Variants in DDX60L observed in about 807,000 individuals in gnomAD.
The protein encoded by DDX60L is probable ATP-dependent RNA helicase DDX60-like.
In DDX60L, 191 loss-of-function variants were observed where a neutral mutation model predicts 211.6. That is an observed-to-expected ratio of 0.90 (90% CI 0.80 to 1.02). DDX60L has a LOEUF of 1.02. DDX60L is among the 50% of genes least tolerant of loss of function. The pLI is 0.00. For missense variants in DDX60L, 2,007 were observed against 1,984.1 expected, an observed-to-expected ratio of 1.01 and a Z score of -0.22; for synonymous variants, 706 against 694.1, an observed-to-expected ratio of 1.02 and a Z score of -0.27.
intron 1 of DDX60L, among the ~76,000 whole-genome samples, chr4:168,477,231 T>C (rs180995521): frequency 0.011 from 1,627 of 152,136 alleles, 29 homozygotes; most frequent in African/African-American, 0.031. Flanking sequence ...CTGGCTAACA[T>C]GGTGAAACCC....
Position 168,461,851 on chromosome 4 carries a change from C to G in DDX60L, c.454G>C (p.Asp152His), listed in dbSNP as rs565138997. Residue 152 changes from aspartate (D) to histidine (H), a missense_variant, in exon 5 of 38, where the codon GAT becomes CAT. By Grantham distance (81) the Asp-to-His change is moderately conservative. Transcript: ENST00000682922. ...FLIVSEEGLS[D>H]LQTYLFNFLI... ...AAGTTAAAAAGGTACGTTTGTAAAT[C>G]ACTCAGGCCTTCCTCTGAAACTATC... 10 of 1,609,840 alleles carry G rather than the reference C, an allele frequency of 6.2e-6. No individual in the cohort carries two copies. The South Asian group carries it at 1.1e-4, about 18-fold the overall frequency.
chr4:168,411,745 C>A (rs1748709710), intron 22 of DDX60L, among the ~76,000 whole-genome samples: 1 of 152,120 alleles, frequency 6.6e-6, no homozygotes, highest in Non-Finnish European at 1.5e-5. Context: ...ATGCAATCTA[C>A]TGAGACACCA....
intron 22 of DDX60L, among the ~76,000 whole-genome samples, chr4:168,411,113 T>G (rs1440446767): frequency 4.6e-5 from 7 of 152,222 alleles, no homozygotes; most frequent in Admixed American, 1.3e-4. Context: ...CACTTTTCTA[T>G]GAAGTCCATC....
chr4:168,479,595 C>T (rs1760109580), intron 1 of DDX60L, among the ~76,000 whole-genome samples: 1 of 152,086 alleles, frequency 6.6e-6, no homozygotes, highest in African/African-American at 2.4e-5. Context: ...ATCAATGTAA[C>T]TTTGTAAACA....
intron 36 of DDX60L, among the ~76,000 whole-genome samples, chr4:168,365,188 G>A (rs951991800): frequency 2.6e-5 from 4 of 151,902 alleles, no homozygotes; most frequent in Admixed American, 6.6e-5. Flanking sequence ...AGAAGCAGAC[G>A]TAAACAAAAT....
intron 13 of DDX60L, among the ~76,000 whole-genome samples, chr4:168,428,085 C>A (rs1438815011): frequency 6.6e-6 from 1 of 152,188 alleles, no homozygotes; most frequent in Non-Finnish European, 1.5e-5. Flanking sequence ...GAGGCCCTTG[C>A]ACAAAGGCTG....
At position 168,453,265 on chromosome 4, in the gene DDX60L, T is replaced by C. The variant is rs945541194; in HGVS notation, c.855A>G (p.Leu285=). Residue 285 remains leucine, a synonymous_variant, in exon 8 of 38, where the codon CTA becomes CTG. Transcript: ENST00000682922. ...YHRVLVHSNC[L]SLQEVEDFCR... ...AGAAATCTTCCACCTCCTGCAGGGATAGGCAATTACTGTGCACCTGCGTAC... is the reference window on the plus strand; with the variant it reads ...AGAAATCTTCCACCTCCTGCAGGGACAGGCAATTACTGTGCACCTGCGTAC... The C allele has an allele frequency of 6.2e-6, 10 of 1,611,912 alleles. No homozygotes were observed. Among genetic ancestry groups the C allele is most frequent in the Non-Finnish European group, 6.8e-6 (8 of 1,178,842 alleles).
chr4:168,475,701 A>C (rs898098864), intron 1 of DDX60L, among the ~76,000 whole-genome samples: 4 of 152,132 alleles, frequency 2.6e-5, no homozygotes, highest in African/African-American at 4.8e-5. Context: ...AATGTTATAT[A>C]CTAAATGTTT....
intron 36 of DDX60L, among the ~76,000 whole-genome samples, chr4:168,369,313 G>GCT (rs2149622487): frequency 6.6e-6 from 1 of 152,216 alleles, no homozygotes; most frequent in South Asian, 2.1e-4. Context: ...CCCTGCACAT[G>GCT]CTCTCTTCTC....
intron 18 of DDX60L, among the ~76,000 whole-genome samples, chr4:168,419,787 A>C (rs908086850): frequency 2.0e-5 from 3 of 152,210 alleles, no homozygotes; most frequent in African/African-American, 4.8e-5. Context: ...AATGGAAAGA[A>C]AAGGTTGGGT....
rs775823257 is a variant in DDX60L at position 168,391,544 on chromosome 4, C to G, written c.3911G>C (p.Arg1304Thr). The change falls in exon 29 of 38, where the codon AGA (arginine) becomes ACA (threonine). Residue 1304 changes from arginine to threonine, a missense_variant. By Grantham distance (71) the Arg-to-Thr change is moderately conservative. Transcript: ENST00000682922. Reference protein sequence around the residue: ...DSVYLDALNYRQMSGRAGRRG... With the variant: ...DSVYLDALNYTQMSGRAGRRG... ...GTTAAAGAGTCAGAGAGTTACCTGT[C>G]TGTAATTTAAAGCATCCAGATAGAC... is the stretch of plus-strand genomic sequence containing the variant. The G allele has an allele frequency of 3.8e-6, 6 of 1,590,272 alleles. No homozygotes were observed. In the Admixed American group the frequency reaches 8.6e-5, roughly 23 times the overall value.
intron 29 of DDX60L, among the ~76,000 whole-genome samples, chr4:168,388,627 C>T (rs1304804858): frequency 6.6e-6 from 1 of 152,118 alleles, no homozygotes; most frequent in African/African-American, 2.4e-5. Flanking sequence ...CTAACTTGTC[C>T]GTAGTTGCAC....
intron 12 of DDX60L, among the ~76,000 whole-genome samples, chr4:168,430,878 G>T (rs1752242717): frequency 6.6e-6 from 1 of 152,132 alleles, no homozygotes; most frequent in Non-Finnish European, 1.5e-5. Context: ...AGGAGAAGAG[G>T]AGAAGAGGAA....
intron 8 of DDX60L, among the ~76,000 whole-genome samples, chr4:168,449,494 T>C (rs1340068210): frequency 3.1e-5 from 4 of 129,048 alleles, no homozygotes; most frequent in Admixed American, 1.6e-4. Flanking sequence ...AGGGATAGCA[T>C]TGGGAGATAT....
chr4:168,446,710 C>T (rs1402189074), intron 9 of DDX60L, among the ~76,000 whole-genome samples: 4 of 146,986 alleles, frequency 2.7e-5, no homozygotes, highest in African/African-American at 5.0e-5. Context: ...AGAACAGAGC[C>T]CTCAGAAATA....
chr4:168,439,845 G>A (rs1350427867), intron 10 of DDX60L, among the ~76,000 whole-genome samples: 1 of 152,136 alleles, frequency 6.6e-6, no homozygotes, highest in Non-Finnish European at 1.5e-5. Flanking sequence ...AACAGAGGGT[G>A]AAGAAATAAC....
chr4:168,430,707 C>T, intron 12 of DDX60L, 69 bp from the exon 13 acceptor site: 1 of 1,212,490 alleles, frequency 8.2e-7, no homozygotes, highest in South Asian at 2.0e-5. Context: ...GCTACCCACA[C>T]ATTATTTTTT....
intron 13 of DDX60L, among the ~76,000 whole-genome samples, chr4:168,429,413 G>A (rs995497617): frequency 2.6e-5 from 4 of 152,152 alleles, no homozygotes; most frequent in South Asian, 2.1e-4. Context: ...GCCTCCCAAA[G>A]TGCTGGGATT....
At chr4:168,393,511 C>G (rs1355660649) in intron 28 of DDX60L, among the ~76,000 whole-genome samples, 1 of 151,986 alleles carries the variant, frequency 6.6e-6, no homozygotes, top group Non-Finnish European at 1.5e-5. Context: ...AAAAAGATTA[C>G]AAAATAAATA....
Sources: gnomAD v4.1 joint callset for allele counts (sites outside exome capture counted in the v4.1 genomes callset) on GRCh38, gnomAD v4.1.1 for gene constraint, MANE v1.5 for transcripts, NCBI Gene and HGNC (gene_info 2026-07-23, HGNC 2026-07-21) for gene names.